The following UNC13C variants were observed in gnomAD, a reference collection of about 807,000 sequenced individuals.
UNC13C encodes the protein protein unc-13 homolog C.
In UNC13C, 174 loss-of-function variants were observed where a neutral mutation model predicts 245.4. The observed-to-expected ratio is 0.71, with a 90% CI of 0.63 to 0.80. The LOEUF is 0.80. UNC13C is among the 30% of genes least tolerant of loss of function. The probability of loss-of-function intolerance (pLI) is 0.00; values close to 1 mark genes in which losing one functional copy is unlikely to be tolerated. For missense variants in UNC13C, 2,829 were observed against 2,602.9 expected (o/e 1.09, Z -1.89); for synonymous variants, 992 against 895.1 (o/e 1.11, Z -1.93).
At chr15:53,969,504 G>T in the UNC13C span, among the ~76,000 whole-genome samples, 1 of 151,870 alleles carries the variant, frequency 6.6e-6, no homozygotes, top group African/African-American at 2.4e-5. Flanking sequence ...TCAATATAGT[G>T]AGACCCTGTC....
chr15:54,317,745 C>A (rs1374184048), intron 13 of UNC13C, among the ~76,000 whole-genome samples: 1 of 151,834 alleles, frequency 6.6e-6, no homozygotes, highest in Non-Finnish European at 1.5e-5. Flanking sequence ...TGTGGGAGAA[C>A]TTTTAACATC....
chr15:54,552,348 A>G (rs1387344196), intron 28 of UNC13C, among the ~76,000 whole-genome samples: 2 of 117,702 alleles, frequency 1.7e-5, no homozygotes, highest in East Asian at 2.2e-4. Context: ...ATACAATTAT[A>G]TTATATATTA....
chr15:54,126,679 C>A (rs772612255), intron 2 of UNC13C, among the ~76,000 whole-genome samples: 7 of 152,048 alleles, frequency 4.6e-5, no homozygotes, highest in African/African-American at 1.7e-4. Flanking sequence ...ACACCAAAAG[C>A]GATGGCAACA....
intron 4 of UNC13C, among the ~76,000 whole-genome samples, chr15:54,197,008 G>A (rs2034373836): frequency 6.6e-6 from 1 of 151,916 alleles, no homozygotes; most frequent in African/African-American, 2.4e-5. Context: ...GTATACATAT[G>A]TAACAAACCT....
At chr15:54,027,957 A>G (rs1016169125) in intron 2 of UNC13C, among the ~76,000 whole-genome samples, 2 of 152,142 alleles carry the variant, frequency 1.3e-5, no homozygotes, top group African/African-American at 4.8e-5. Context: ...GCACATGTCA[A>G]ACTTGGCTAA....
chr15:54,111,419 A>G (rs1046547939), intron 2 of UNC13C, among the ~76,000 whole-genome samples: 3 of 152,200 alleles, frequency 2.0e-5, no homozygotes, highest in Non-Finnish European at 2.9e-5. Context: ...ATGAAGTCCT[A>G]TTTGGAATCC....
the UNC13C span, among the ~76,000 whole-genome samples, chr15:53,842,602 A>G: frequency 3.0e-4 from 46 of 152,106 alleles, no homozygotes; most frequent in African/African-American, 1.1e-3. Flanking sequence ...TCTTTCAGGT[A>G]TGTTGCTTAG....
chr15:54,201,516 A>G (rs529060871), intron 4 of UNC13C, among the ~76,000 whole-genome samples: 1 of 152,190 alleles, frequency 6.6e-6, no homozygotes, highest in Admixed American at 6.6e-5. Context: ...TAACATACTT[A>G]AGTCAATAAA....
Position 54,015,227 on chromosome 15 carries a change from C to T in UNC13C, c.2324C>T (p.Pro775Leu), listed in dbSNP as rs757473542. The change falls in exon 2 of 33, where the codon CCA (proline) becomes CTA (leucine). Residue 775 changes from proline to leucine, a missense_variant. Physicochemically the swap from Pro to Leu is moderately conservative, Grantham distance 98. Transcript: ENST00000260323. ...ELQSDDSEDA[P>L]PKSWHSRLSI... ...CAAAGTGATGATTCAGAGGATGCCC[C>T]ACCCAAATCATGGCATAGTCGATTA... 1.2e-6 allele frequency: 2 copies of T among 1,613,182 alleles called. No individual in the cohort carries two copies. Among genetic ancestry groups the T allele is most frequent in the African/African-American group, 1.3e-5 (1 of 74,896 alleles).
At chr15:54,459,076 G>T (rs146338424) in intron 19 of UNC13C, among the ~76,000 whole-genome samples, 3 of 152,208 alleles carry the variant, frequency 2.0e-5, no homozygotes, top group Non-Finnish European at 4.4e-5. Flanking sequence ...AACAGTTCCT[G>T]TAGTGCTGGC....
In UNC13C at chr15:54,041,418, G is replaced by A. The variant is rs530120658; in HGVS notation, c.2983+25532G>A. ...AATATTATTTCTTTAGAATAAATGC[G>A]TAGAAGTCAAAATATTAAAGACTAA... On this transcript the variant is annotated intron_variant, in intron 2 of 32. Coordinates refer to ENST00000260323, the MANE Select transcript of UNC13C (RefSeq NM_001080534.3). 8.4e-4 allele frequency among the ~76,000 whole-genome samples: 128 copies of A among 152,010 alleles called. No individual in the cohort carries two copies. The South Asian group carries it at 0.011, about 14-fold the overall frequency.
intron 10 of UNC13C, among the ~76,000 whole-genome samples, chr15:54,291,138 G>C (rs1301056578): frequency 6.6e-6 from 1 of 151,650 alleles, no homozygotes; most frequent in African/African-American, 2.4e-5. Flanking sequence ...ATAAATTTTG[G>C]GTAAATTACC....
intron 4 of UNC13C, among the ~76,000 whole-genome samples, chr15:54,147,756 G>A (rs1266044837): frequency 7.2e-6 from 1 of 139,402 alleles, no homozygotes; most frequent in Non-Finnish European, 1.6e-5. Flanking sequence ...ATAAAACAGT[G>A]GTTGAATTAT....
intron 10 of UNC13C, among the ~76,000 whole-genome samples, chr15:54,293,195 A>T (rs368317789): frequency 1.1e-3 from 165 of 152,020 alleles, no homozygotes; most frequent in African/African-American, 3.9e-3. Context: ...TTACTTGCAG[A>T]TTCCTAAAGA....
chr15:54,424,468 GTTGGGTTGACTGTCAA>G (rs1214444710), intron 19 of UNC13C, among the ~76,000 whole-genome samples: 1 of 151,946 alleles, frequency 6.6e-6, no homozygotes, highest in African/African-American at 2.4e-5. Context: ...TGTTGGTTCT[GTTGGGTTGACTGTCAA>G]TTACACATGT....
At chr15:54,400,887 T>A (rs1166471107) in intron 18 of UNC13C, among the ~76,000 whole-genome samples, 2 of 152,152 alleles carry the variant, frequency 1.3e-5, no homozygotes. Context: ...TCTCCTAATG[T>A]TAAGAAAATG....
chr15:54,317,799 C>G (rs2038048208), intron 13 of UNC13C, among the ~76,000 whole-genome samples: 1 of 151,842 alleles, frequency 6.6e-6, no homozygotes, highest in Non-Finnish European at 1.5e-5. Context: ...TCATCATTAA[C>G]TATAGTCACC....
the UNC13C span, among the ~76,000 whole-genome samples, chr15:53,910,063 C>T: frequency 3.5e-5 from 5 of 142,524 alleles, 1 homozygote; most frequent in Non-Finnish European, 7.8e-5. Context: ...ACTGTGCCTG[C>T]GGGCCACAGG....
intron 17 of UNC13C, among the ~76,000 whole-genome samples, chr15:54,388,645 C>T (rs1257385364): frequency 6.6e-6 from 1 of 152,168 alleles, no homozygotes; most frequent in African/African-American, 2.4e-5. Context: ...CACATAGACT[C>T]CGGATCTCAT....
Sources: gnomAD v4.1 joint callset for allele counts (sites outside exome capture counted in the v4.1 genomes callset) on GRCh38, gnomAD v4.1.1 for gene constraint, MANE v1.5 for transcripts, NCBI Gene and HGNC (gene_info 2026-07-23, HGNC 2026-07-21) for gene names.